The following CCDC50 variants were observed in gnomAD, a reference collection of about 807,000 sequenced individuals.
CCDC50 encodes the protein coiled-coil domain containing 50.
In CCDC50, 54 loss-of-function variants were observed where a neutral mutation model predicts 70.2. That is an observed-to-expected ratio of 0.77 (90% CI 0.62 to 0.96). The LOEUF (loss-of-function observed/expected upper bound fraction) is 0.96, where lower values mean the gene tolerates loss of function less well. Among genes scored for constraint, CCDC50 ranks in the 50% least tolerant of loss-of-function variants. The pLI is 0.00. For synonymous variants in CCDC50, 216 were observed against 198.8 expected (o/e 1.09, Z -0.73); for missense variants, 558 against 578.7 (o/e 0.96, Z 0.37).
chr3:191,384,141 C>G (rs1364094797), intron 10 of CCDC50, among the ~76,000 whole-genome samples: 3 of 151,962 alleles, frequency 2.0e-5, no homozygotes, highest in Admixed American at 6.6e-5. Flanking sequence ...ATTTGGCATA[C>G]TGAAAGAGTG....
At chr3:191,379,279 G>A (rs1233378122) in intron 6 of CCDC50, among the ~76,000 whole-genome samples, 1 of 152,072 alleles carries the variant, frequency 6.6e-6, no homozygotes, top group Non-Finnish European at 1.5e-5. Context: ...GCACCCTCAT[G>A]TGATTCGAAT....
In CCDC50 at chr3:191,394,446, T is replaced by C. The variant is rs1205602952; in HGVS notation, c.*2686T>C. ...ACTGTGTTCTCTGCTTTTTACTTTG[T>C]CATTTTTATATAAATGTGAAAGCAT... On this transcript the variant is annotated 3_prime_UTR_variant, in exon 12 of 12. Transcript: ENST00000392455. 2.0e-5 allele frequency: 3 copies of C among 152,188 alleles called. No individual in the cohort carries two copies. The highest frequency in any genetic ancestry group is 7.2e-5 in the African/African-American group (3 of 41,462). 9.4% of individuals were successfully genotyped at this position (152,188 alleles called of 1,614,324 possible). A position where few individuals can be genotyped will look rare whatever the true frequency, so the allele number is the denominator to read the frequency against.
chr3:191,329,527 GC>G lies in CCDC50; in HGVS notation c.-145del. ...CTGCTTTGGTCACCAGCCCCTGCCC[GC>G]CCGACCCGCTCCGTTCTCCGGCCTG... On this transcript the variant is annotated 5_prime_UTR_variant, in exon 1 of 12. Transcript: ENST00000392455. 1.5e-6 allele frequency: 1 copy of G among 661,058 alleles called. No homozygotes were observed. The highest frequency in any genetic ancestry group is 2.4e-6 in the Non-Finnish European group (1 of 419,198). 40.9% of individuals were successfully genotyped at this position (661,058 alleles called of 1,614,324 possible).
intron 6 of CCDC50, among the ~76,000 whole-genome samples, chr3:191,376,867 G>T (rs1228300175): frequency 1.3e-5 from 2 of 152,134 alleles, no homozygotes; most frequent in Non-Finnish European, 2.9e-5. Flanking sequence ...AAAGGTGTGG[G>T]GGAAGTATGG....
rs907383322 is a variant in CCDC50, at chr3:191,395,810, G to A, written c.*4050G>A. ...TCTATTACTTACTGCTCATAGAGAA[G>A]TGACTATATAAAATGGTCCAATTTT... On this transcript the variant is annotated 3_prime_UTR_variant, in exon 12 of 12. Coordinates refer to ENST00000392455, the MANE Select transcript of CCDC50 (RefSeq NM_178335.3). 6.6e-6 allele frequency: 1 copy of A among 152,196 alleles called. No individual in the cohort carries two copies. 9.4% of individuals were successfully genotyped at this position (152,196 alleles called of 1,614,324 possible).
intron 1 of CCDC50, among the ~76,000 whole-genome samples, chr3:191,337,246 A>T (rs1457312579): frequency 6.6e-6 from 1 of 152,068 alleles, no homozygotes; most frequent in African/African-American, 2.4e-5. Flanking sequence ...TTTTTTGGAC[A>T]GTTCAGTTAT....
intron 4 of CCDC50, 148 bp downstream of exon 4, chr3:191,361,307 C>T (rs776805497): frequency 2.9e-6 from 2 of 681,642 alleles, no homozygotes; most frequent in Non-Finnish European, 2.7e-6. Flanking sequence ...CCTCTGTGGA[C>T]CATGATTTAT....
In CCDC50 at chr3:191,394,676, TCATAAGGCTGCTTGACATAGACA is replaced by T. The variant is rs1713805872; in HGVS notation, c.*2918_*2940del. 6.6e-6 allele frequency: 1 copy of T among 152,192 alleles called. No individual in the cohort carries two copies. Among genetic ancestry groups the T allele is most frequent in the African/African-American group, 2.4e-5 (1 of 41,444 alleles). The allele number at this position is 152,192 out of a possible 1,614,324, so 9.4% of individuals were successfully genotyped here. On this transcript the variant is annotated 3_prime_UTR_variant, in exon 12 of 12. Coordinates refer to ENST00000392455, the MANE Select transcript of CCDC50 (RefSeq NM_178335.3). ...AAGCACAATATATGACGGAGCCTTA[TCATAAGGCTGCTTGACATAGACA>T]CCCACTCTCCTCCACATTTTATAAA...
At chr3:191,360,739 G>A (rs1346512657) in intron 3 of CCDC50, among the ~76,000 whole-genome samples, 1 of 152,208 alleles carries the variant, frequency 6.6e-6, no homozygotes, top group Non-Finnish European at 1.5e-5. Flanking sequence ...AGTGGTAGAG[G>A]CAGGACCGTC....
chr3:191,334,972 A>C (rs61177977), intron 1 of CCDC50, among the ~76,000 whole-genome samples: 13,151 of 152,198 alleles, frequency 0.086, 641 homozygotes, highest in East Asian at 0.21. Context: ...TTCTACCTGA[A>C]AAGTCTTGCA....
chr3:191,377,972 A>G (rs1012421790), intron 6 of CCDC50, among the ~76,000 whole-genome samples: 1 of 152,138 alleles, frequency 6.6e-6, no homozygotes, highest in South Asian at 2.1e-4. Flanking sequence ...CATTTAAAAA[A>G]TTTTTGGACA....
In CCDC50 at chr3:191,364,096, G is replaced by T. The variant is rs1306371773; in HGVS notation, c.330+2937G>T. On this transcript the variant is annotated intron_variant, in intron 4 of 11. Coordinates refer to ENST00000392455, the MANE Select transcript of CCDC50 (RefSeq NM_178335.3). ...CTTATTTTTTTTTTTTTTAGACAGA[G>T]TCTTGCTCTGTCTCCAGGCTGGAGT... 6.0e-5 allele frequency among the ~76,000 whole-genome samples: 9 copies of T among 150,288 alleles called. 1 individual carries two copies. The highest frequency in any genetic ancestry group is 1.0e-4 in the Non-Finnish European group (7 of 67,734).
At chr3:191,355,917 C>A (rs192671) in intron 1 of CCDC50, among the ~76,000 whole-genome samples, 68,547 of 151,950 alleles carry the variant, frequency 0.45, 19,085 homozygotes, top group East Asian at 0.92. Context: ...ATCCCTCAGT[C>A]GTGAAGGACA....
intron 1 of CCDC50, among the ~76,000 whole-genome samples, chr3:191,338,123 G>C (rs1307241114): frequency 2.0e-5 from 3 of 152,084 alleles, no homozygotes; most frequent in African/African-American, 7.2e-5. Flanking sequence ...GTAAAACTAT[G>C]AATGACTTAT....
At position 191,380,876 on chromosome 3, in the gene CCDC50, G is replaced by T. The variant is rs772898236; in HGVS notation, c.1186G>T (p.Ala396Ser). 2 of 1,612,940 alleles carry T rather than the reference G, an allele frequency of 1.2e-6. No individual in the cohort carries two copies. The highest frequency in any genetic ancestry group is 3.3e-5 in the Admixed American group (2 of 59,876). Residue 396 changes from alanine to serine, a missense_variant, in exon 9 of 12, where the codon GCC becomes TCC. By Grantham distance (99) the Ala-to-Ser change is moderately conservative. Transcript: ENST00000392455. ...TGAAGAAAAGAAAGCTTACAAAAAAGCCAAGGAGCGGGAGAAATCATCTTT... is the reference window on the plus strand; with the variant it reads ...TGAAGAAAAGAAAGCTTACAAAAAATCCAAGGAGCGGGAGAAATCATCTTT... Reference protein sequence around the residue: ...MAEEKKAYKKAKEREKSSLDK... With the variant: ...MAEEKKAYKKSKEREKSSLDK...
At chr3:191,358,546 C>T (rs1393113697) in intron 3 of CCDC50, among the ~76,000 whole-genome samples, 1 of 152,170 alleles carries the variant, frequency 6.6e-6, no homozygotes, top group Non-Finnish European at 1.5e-5. Flanking sequence ...GTGTTTGCCG[C>T]TCTTACTTTC....
chr3:191,354,865 T>C (rs2108646569), intron 1 of CCDC50, among the ~76,000 whole-genome samples: 1 of 152,322 alleles, frequency 6.6e-6, no homozygotes, highest in East Asian at 1.9e-4. Context: ...TTCATACATA[T>C]TCTACTGTAT....
intron 6 of CCDC50, among the ~76,000 whole-genome samples, chr3:191,377,337 T>C (rs1042232435): frequency 1.3e-5 from 2 of 152,134 alleles, no homozygotes; most frequent in Non-Finnish European, 2.9e-5. Flanking sequence ...ACATTAATAA[T>C]GAAGAAACTA....
chr3:191,396,642 C>A lies in CCDC50; in HGVS notation c.*4882C>A, dbSNP rs966153492. 2.0e-5 allele frequency: 3 copies of A among 151,902 alleles called. No individual in the cohort carries two copies. The highest frequency in any genetic ancestry group is 2.1e-4 in the South Asian group (1 of 4,812). 9.4% of individuals were successfully genotyped at this position (151,902 alleles called of 1,614,324 possible). On this transcript the variant is annotated 3_prime_UTR_variant, in exon 12 of 12. Transcript: ENST00000392455. ...CACCCTTGTGTATTGAAATGCTTAA[C>A]CATTAACAGGGAAAAAAAAGGAGAA...
Sources: allele counts gnomAD v4.1 joint callset (sites outside exome capture counted in the v4.1 genomes callset), GRCh38; gene constraint gnomAD v4.1.1; transcripts MANE v1.5; gene names NCBI Gene and HGNC (gene_info 2026-07-23, HGNC 2026-07-21).